The following ZDHHC14 variants were observed in gnomAD, a reference collection of about 807,000 sequenced individuals.
ZDHHC14 encodes zDHHC palmitoyltransferase 14.
A neutral mutation model predicts 47.7 loss-of-function variants in ZDHHC14; 16 were observed. The observed-to-expected ratio is 0.34, with a 90% CI of 0.23 to 0.51. The LOEUF (loss-of-function observed/expected upper bound fraction) is 0.51. Among genes scored for constraint, ZDHHC14 ranks in the 20% least tolerant of loss-of-function variants. The probability of loss-of-function intolerance (pLI) is 0.97; values close to 1 mark genes in which losing one functional copy is unlikely to be tolerated. For synonymous variants in ZDHHC14, 293 were observed against 278.9 expected (o/e 1.05, Z -0.50); for missense variants, 515 against 662.5 (o/e 0.78, Z 2.44).
intron 1 of ZDHHC14, among the ~76,000 whole-genome samples, chr6:157,452,320 C>T (rs892504256): frequency 4.6e-5 from 7 of 151,912 alleles, no homozygotes; most frequent in African/African-American, 1.7e-4. Flanking sequence ...TCACCTGCTG[C>T]ATGAATCATC....
chr6:157,627,135 G>T (rs531177013), intron 3 of ZDHHC14, among the ~76,000 whole-genome samples: 2 of 152,242 alleles, frequency 1.3e-5, no homozygotes, highest in East Asian at 3.9e-4. Context: ...GTGTCCTCAT[G>T]CCCTTTTCAA....
At chr6:157,448,397 C>T (rs1329135924) in intron 1 of ZDHHC14, among the ~76,000 whole-genome samples, 1 of 152,108 alleles carries the variant, frequency 6.6e-6, no homozygotes, top group East Asian at 1.9e-4. Context: ...AGGTTGAATT[C>T]AGCAGCTTCA....
chr6:157,566,927 T>C (rs1782926624), intron 2 of ZDHHC14, among the ~76,000 whole-genome samples: 1 of 151,248 alleles, frequency 6.6e-6, no homozygotes, highest in African/African-American at 2.4e-5. Flanking sequence ...TTCGGCTCAC[T>C]GCAACCTCTG....
chr6:157,512,659 A>G (rs1314167673), intron 1 of ZDHHC14, among the ~76,000 whole-genome samples: 2 of 152,184 alleles, frequency 1.3e-5, no homozygotes, highest in Non-Finnish European at 2.9e-5. Flanking sequence ...CCTGGGCAAC[A>G]TAGCAAGTCC....
At chr6:157,466,373 C>T (rs1358701014) in intron 1 of ZDHHC14, among the ~76,000 whole-genome samples, 3 of 152,206 alleles carry the variant, frequency 2.0e-5, no homozygotes, top group East Asian at 3.9e-4. Flanking sequence ...CCCATACCTG[C>T]GTCCCTGGCC....
rs551372732 is a variant in ZDHHC14, at chr6:157,645,737, C to T, written c.753C>T (p.Ser251=). Residue 251 remains serine, a splice_region_variant and synonymous_variant, in exon 6 of 9, where the codon AGC becomes AGT. Coordinates refer to ENST00000359775, the MANE Select transcript of ZDHHC14 (RefSeq NM_024630.3). ...FLNALKDSPA[S]VLEAVVCFFS... ...CGCTTGCCTCCTTGACTCGCATCAC[C>T]GTCCTGGAGGCTGTGGTGTGCTTCT... The T allele has an allele frequency of 1.3e-5, 21 of 1,613,442 alleles. No homozygotes were observed. Among genetic ancestry groups the T allele is most frequent in the East Asian group, 2.2e-5 (1 of 44,856 alleles).
intron 1 of ZDHHC14, among the ~76,000 whole-genome samples, chr6:157,504,313 G>T (rs1469875471): frequency 7.0e-6 from 1 of 142,888 alleles, no homozygotes; most frequent in South Asian, 2.3e-4. Context: ...GTTCACGCCC[G>T]GCTAATTTTT....
chr6:157,585,963 G>A (rs1391460208), intron 2 of ZDHHC14, among the ~76,000 whole-genome samples: 1 of 152,266 alleles, frequency 6.6e-6, no homozygotes, highest in Non-Finnish European at 1.5e-5. Flanking sequence ...CAGGGTGGAG[G>A]TGCGGGAGCA....
chr6:157,437,897 A>G (rs1778474856), intron 1 of ZDHHC14, among the ~76,000 whole-genome samples: 1 of 151,514 alleles, frequency 6.6e-6, no homozygotes, highest in Non-Finnish European at 1.5e-5. Context: ...TTTACATGGG[A>G]TGGTAGAGTT....
intron 6 of ZDHHC14, among the ~76,000 whole-genome samples, chr6:157,646,046 C>T (rs185281043): frequency 2.0e-5 from 3 of 152,270 alleles, no homozygotes; most frequent in East Asian, 3.9e-4. Flanking sequence ...TCTGTTTTTC[C>T]GACCACATCC....
intron 1 of ZDHHC14, among the ~76,000 whole-genome samples, chr6:157,459,154 T>A (rs1055572771): frequency 1.3e-5 from 2 of 152,112 alleles, no homozygotes; most frequent in African/African-American, 4.8e-5. Context: ...TGTTGATCTG[T>A]ATTACATCGT....
chr6:157,640,651 C>G (rs113194078), intron 5 of ZDHHC14, among the ~76,000 whole-genome samples: 20,409 of 152,224 alleles, frequency 0.13, 3,195 homozygotes, highest in African/African-American at 0.38. Flanking sequence ...CTACCACCCT[C>G]CCTCCCACCA....
At chr6:157,660,196 T>C (rs1778290064) in intron 8 of ZDHHC14, among the ~76,000 whole-genome samples, 2 of 151,216 alleles carry the variant, frequency 1.3e-5, no homozygotes. Context: ...TTCTTTTTTT[T>C]TTTTTTTTCT....
At chr6:157,660,606 A>G (rs1434300631) in intron 8 of ZDHHC14, among the ~76,000 whole-genome samples, 2 of 152,168 alleles carry the variant, frequency 1.3e-5, no homozygotes, top group African/African-American at 4.8e-5. Context: ...AATTTATTAC[A>G]ATCTGTCGCT....
chr6:157,546,599 C>G (rs1318307765), intron 2 of ZDHHC14, among the ~76,000 whole-genome samples: 1 of 152,090 alleles, frequency 6.6e-6, no homozygotes, highest in African/African-American at 2.4e-5. Flanking sequence ...AAAAAGACAT[C>G]AAAGAATAGC....
At chr6:157,491,082 G>A (rs1336519473) in intron 1 of ZDHHC14, among the ~76,000 whole-genome samples, 1 of 152,230 alleles carries the variant, frequency 6.6e-6, no homozygotes, top group Middle Eastern at 3.4e-3. Context: ...GCCGTTTCCC[G>A]CACTGCACCT....
intron 1 of ZDHHC14, among the ~76,000 whole-genome samples, chr6:157,494,940 T>C (rs1334644041): frequency 1.3e-5 from 2 of 152,206 alleles, no homozygotes; most frequent in African/African-American, 4.8e-5. Flanking sequence ...CCCTAAAGAC[T>C]GCGTTTTCCT....
intron 7 of ZDHHC14, among the ~76,000 whole-genome samples, chr6:157,648,932 G>A (rs1583071436): frequency 6.6e-6 from 1 of 152,192 alleles, no homozygotes; most frequent in Non-Finnish European, 1.5e-5. Flanking sequence ...AGAGGATGCC[G>A]AGGCCTCAGT....
intron 1 of ZDHHC14, among the ~76,000 whole-genome samples, chr6:157,541,606 C>T (rs1165824440): frequency 6.6e-6 from 1 of 152,228 alleles, no homozygotes; most frequent in African/African-American, 2.4e-5. Context: ...GATTCTGCGT[C>T]ATGTTCCCCA....
Sources: allele counts gnomAD v4.1 joint callset (sites outside exome capture counted in the v4.1 genomes callset), GRCh38; gene constraint gnomAD v4.1.1; transcripts MANE v1.5; gene names NCBI Gene and HGNC (gene_info 2026-07-23, HGNC 2026-07-21).